Variants in CSMD1 observed in about 807,000 individuals in gnomAD.
CSMD1 encodes CUB and sushi domain-containing protein 1.
Under a neutral mutation model 417.5 loss-of-function variants are expected in CSMD1, and 213 were observed. That is an observed-to-expected ratio of 0.51 (90% CI 0.46 to 0.57). The LOEUF (loss-of-function observed/expected upper bound fraction) is 0.57, where lower values mean the gene tolerates loss of function less well. Among genes scored for constraint, CSMD1 ranks in the 20% least tolerant of loss-of-function variants. CSMD1 has a pLI of 0.00. For missense variants in CSMD1, 6,923 were observed against 4,529.7 expected (o/e 1.53, Z -15.17); for synonymous variants, 2,862 against 1,736.8 (o/e 1.65, Z -16.11).
chr8:4,636,867 A>C (rs1456139798), intron 2 of CSMD1, among the ~76,000 whole-genome samples: 2 of 152,154 alleles, frequency 1.3e-5, no homozygotes, highest in Non-Finnish European at 2.9e-5. Flanking sequence ...CTGTCTTACA[A>C]GAGGATTGTA....
At chr8:3,742,854 C>A (rs561839892) in intron 6 of CSMD1, among the ~76,000 whole-genome samples, 15 of 152,226 alleles carry the variant, frequency 9.9e-5, no homozygotes, top group African/African-American at 2.9e-4. Flanking sequence ...TGAAGAGTTA[C>A]TTCTGCGTTT....
At chr8:4,967,047 C>A (rs1452477825) in intron 1 of CSMD1, among the ~76,000 whole-genome samples, 1 of 152,080 alleles carries the variant, frequency 6.6e-6, no homozygotes, top group Non-Finnish European at 1.5e-5. Context: ...GCAGTGTTCT[C>A]CAGTGGGTGA....
chr8:4,123,791 A>G (rs1425868272), intron 3 of CSMD1, among the ~76,000 whole-genome samples: 1 of 152,294 alleles, frequency 6.6e-6, no homozygotes, highest in African/African-American at 2.4e-5. Flanking sequence ...GAAGAACCCA[A>G]AATAAAATAT....
intron 3 of CSMD1, among the ~76,000 whole-genome samples, chr8:4,171,535 A>C (rs1797764003): frequency 6.6e-6 from 1 of 151,826 alleles, no homozygotes; most frequent in Non-Finnish European, 1.5e-5. Context: ...GTTGACACTT[A>C]ACAAATGTAC....
At chr8:3,351,895 A>G (rs888038502) in intron 21 of CSMD1, among the ~76,000 whole-genome samples, 1 of 152,056 alleles carries the variant, frequency 6.6e-6, no homozygotes, top group African/African-American at 2.4e-5. Flanking sequence ...TTAAAAATTT[A>G]AATTATGACT....
rs975080693 is a variant in CSMD1 at position 3,201,616 on chromosome 8, G to A, written c.5094C>T (p.His1698=). ...GCAAAATTCTTTAAGACTTACCTGA[G>A]TGAGACCCCGAGAGTGAGCTGAGAA... ...ARLLSSLSGS[H]SGETLPLATS... The change falls in exon 32 of 70, where the codon CAC becomes CAT. Residue 1698 remains histidine, a synonymous_variant. Coordinates refer to ENST00000635120, the MANE Select transcript of CSMD1 (RefSeq NM_033225.6). 11 of 1,591,462 alleles carry A rather than the reference G, an allele frequency of 6.9e-6. No individual in the cohort carries two copies. The highest frequency in any genetic ancestry group is 9.4e-6 in the Non-Finnish European group (11 of 1,166,528).
intron 3 of CSMD1, among the ~76,000 whole-genome samples, chr8:4,250,750 G>A (rs138820063): frequency 2.1e-4 from 32 of 152,278 alleles, no homozygotes; most frequent in East Asian, 1.4e-3. Context: ...AAGAAAAACT[G>A]TAAATATGTA....
intron 3 of CSMD1, among the ~76,000 whole-genome samples, chr8:4,419,569 C>T (rs550773581): frequency 6.6e-6 from 1 of 152,106 alleles, no homozygotes; most frequent in Non-Finnish European, 1.5e-5. Flanking sequence ...ATGAAATTTC[C>T]TTTACTCAAG....
chr8:4,355,194 G>A (rs573004335), intron 3 of CSMD1, among the ~76,000 whole-genome samples: 4 of 151,902 alleles, frequency 2.6e-5, no homozygotes, highest in South Asian at 2.1e-4. Context: ...CCTGGGAGGC[G>A]GAGCTTGCAA....
chr8:3,693,741 G>A (rs1800381589), intron 7 of CSMD1, among the ~76,000 whole-genome samples: 1 of 151,894 alleles, frequency 6.6e-6, no homozygotes, highest in South Asian at 2.1e-4. Flanking sequence ...TGCTTGTTAT[G>A]GTGTGTGTGT....
At chr8:4,622,074 G>T (rs12334700) in intron 2 of CSMD1, among the ~76,000 whole-genome samples, 2 of 151,392 alleles carry the variant, frequency 1.3e-5, no homozygotes, top group South Asian at 2.1e-4. Flanking sequence ...ACATATTAGT[G>T]CAGTTCTAGG....
intron 1 of CSMD1, among the ~76,000 whole-genome samples, chr8:4,687,867 C>G (rs924663266): frequency 1.3e-5 from 2 of 151,760 alleles, no homozygotes; most frequent in African/African-American, 2.4e-5. Context: ...ACACACTCAT[C>G]TCCTGCATGC....
intron 1 of CSMD1, among the ~76,000 whole-genome samples, chr8:4,949,201 T>C (rs1392452630): frequency 1.3e-5 from 2 of 152,270 alleles, no homozygotes; most frequent in South Asian, 2.1e-4. Context: ...TTAAATACCA[T>C]TGCATTTGGT....
At chr8:3,492,382 T>C (rs892025626) in intron 11 of CSMD1, among the ~76,000 whole-genome samples, 10 of 152,236 alleles carry the variant, frequency 6.6e-5, no homozygotes, top group African/African-American at 2.4e-4. Context: ...AGAAACTCTC[T>C]TTCCCACAAA....
intron 1 of CSMD1, among the ~76,000 whole-genome samples, chr8:4,900,327 G>C (rs1299831756): frequency 6.6e-6 from 1 of 152,122 alleles, no homozygotes; most frequent in Admixed American, 6.5e-5. Flanking sequence ...TCCATGAATA[G>C]CTACACCATT....
At chr8:3,545,933 G>A (rs1203745762) in intron 10 of CSMD1, among the ~76,000 whole-genome samples, 2 of 152,150 alleles carry the variant, frequency 1.3e-5, no homozygotes, top group African/African-American at 4.8e-5. Flanking sequence ...TGCTAGGACA[G>A]GGTGCAGTGG....
intron 2 of CSMD1, among the ~76,000 whole-genome samples, chr8:4,492,888 A>G (rs1218019297): frequency 6.6e-6 from 1 of 152,236 alleles, no homozygotes; most frequent in Admixed American, 6.5e-5. Context: ...TTTTCATTTA[A>G]CATGGGCCTG....
chr8:4,662,444 A>C (rs1452572138), intron 1 of CSMD1, among the ~76,000 whole-genome samples: 1 of 152,076 alleles, frequency 6.6e-6, no homozygotes, highest in Admixed American at 6.6e-5. Context: ...TAATAACACT[A>C]ATTTCTTTTT....
intron 1 of CSMD1, among the ~76,000 whole-genome samples, chr8:4,917,652 A>AAAT (rs1295625484): frequency 1.1e-4 from 3 of 28,434 alleles, no homozygotes; most frequent in African/African-American, 4.4e-4. Flanking sequence ...TAAATAAATG[A>AAAT]AATAAAATAA....
Sources: allele counts gnomAD v4.1 joint callset (sites outside exome capture counted in the v4.1 genomes callset), GRCh38; gene constraint gnomAD v4.1.1; transcripts MANE v1.5; gene names NCBI Gene and HGNC (gene_info 2026-07-23, HGNC 2026-07-21).